The following CHD1L variants were observed in gnomAD, a reference collection of about 807,000 sequenced individuals.
CHD1L encodes the protein chromodomain helicase DNA binding protein 1 like, also known as ATP-dependent chromatin remodeler CHD1L.
Under a neutral mutation model 115.9 loss-of-function variants are expected in CHD1L, and 118 were observed. The observed-to-expected ratio is 1.02, with a 90% CI of 0.88 to 1.19. CHD1L has a LOEUF of 1.19. CHD1L is among the 50% of genes most tolerant of loss of function. The probability of loss-of-function intolerance (pLI) is 0.00; values close to 1 mark genes in which losing one functional copy is unlikely to be tolerated. For missense variants in CHD1L, 1,179 were observed against 1,065.3 expected (o/e 1.11, Z -1.49); for synonymous variants, 411 against 387.1 (o/e 1.06, Z -0.72).
chr1:147,246,939 C>T (rs1336484364), intron 1 of CHD1L, among the ~76,000 whole-genome samples: 1 of 152,044 alleles, frequency 6.6e-6, no homozygotes, highest in Non-Finnish European at 1.5e-5. Flanking sequence ...GAGTTTTTTC[C>T]TAAAAGTTTT....
the CHD1L span, among the ~76,000 whole-genome samples, chr1:147,189,392 G>A: frequency 2.6e-5 from 4 of 152,050 alleles, no homozygotes; most frequent in Non-Finnish European, 5.9e-5. Context: ...GTGAAAGGAA[G>A]GAGGAAAATA....
At chr1:147,204,817 A>G in the CHD1L span, 2 of 1,603,858 alleles carry the variant, frequency 1.2e-6, no homozygotes, top group South Asian at 1.1e-5. Flanking sequence ...GGTTTGGGCA[A>G]GCTCCTTGCA....
At chr1:147,261,730 C>CAG (rs151062356) in intron 6 of CHD1L, among the ~76,000 whole-genome samples, 5,676 of 152,120 alleles carry the variant, frequency 0.037, 258 homozygotes, top group African/African-American at 0.11. Context: ...AACTAAGGCT[C>CAG]AGGGATTAAG....
intron 16 of CHD1L, 39 bp downstream of exon 16, chr1:147,284,538 A>G: frequency 6.8e-7 from 1 of 1,469,282 alleles, no homozygotes; most frequent in African/African-American, 1.8e-5. Context: ...GTTCTTCCAA[A>G]CTCTCATTCT....
At chr1:147,203,458 G>C in the CHD1L span, 8 of 832,230 alleles carry the variant, frequency 9.6e-6, no homozygotes, top group East Asian at 1.9e-4. Flanking sequence ...GTCCGTTACA[G>C]CAGGGACTAC....
chr1:147,260,951 A>G (rs1671719731), intron 6 of CHD1L: 1 of 152,190 alleles, frequency 6.6e-6, no homozygotes. Context: ...AATTTCTGTG[A>G]TGATAATTGA....
At chr1:147,189,514 C>T in the CHD1L span, among the ~76,000 whole-genome samples, 3 of 152,126 alleles carry the variant, frequency 2.0e-5, no homozygotes, top group African/African-American at 4.8e-5. Flanking sequence ...CCTCTTTAGG[C>T]CTGGAATGAT....
intron 9 of CHD1L, 36 bp downstream of exon 9, chr1:147,267,554 G>T: frequency 6.6e-7 from 1 of 1,518,876 alleles, no homozygotes; most frequent in East Asian, 2.3e-5. Context: ...ATTATTCTTT[G>T]GTAATGTTTC....
At chr1:147,290,416 C>A (rs1685052104) in intron 19 of CHD1L, among the ~76,000 whole-genome samples, 1 of 152,164 alleles carries the variant, frequency 6.6e-6, no homozygotes, top group South Asian at 2.1e-4. Flanking sequence ...AGGAAGATTA[C>A]ATACTTTTTT....
intron 11 of CHD1L, among the ~76,000 whole-genome samples, chr1:147,271,525 C>T (rs868979682): frequency 2.6e-5 from 4 of 152,216 alleles, no homozygotes; most frequent in Non-Finnish European, 4.4e-5. Flanking sequence ...AGAAAAGGCT[C>T]TAACATGAGT....
intron 1 of CHD1L, among the ~76,000 whole-genome samples, chr1:147,249,175 C>G (rs1667565766): frequency 6.6e-6 from 1 of 151,968 alleles, no homozygotes; most frequent in Non-Finnish European, 1.5e-5. Context: ...TCCTGAATAC[C>G]ATTTTTCTTG....
At chr1:147,212,675 T>G in the CHD1L span, 1 of 787,740 alleles carries the variant, frequency 1.3e-6, no homozygotes, top group Non-Finnish European at 2.0e-6. Flanking sequence ...TTTCTTGCCT[T>G]TCTCAGTATT....
At chr1:147,287,817 C>A in intron 19 of CHD1L, 84 bp downstream of exon 19, 1 of 1,092,212 alleles carries the variant, frequency 9.2e-7, no homozygotes, top group Non-Finnish European at 1.3e-6. Context: ...GGTTACACAG[C>A]ACTAGATAAG....
intron 11 of CHD1L, 45 bp downstream of exon 11, chr1:147,271,050 T>A: frequency 6.8e-7 from 1 of 1,464,918 alleles, no homozygotes; most frequent in Non-Finnish European, 9.6e-7. Flanking sequence ...CTGTTAGACT[T>A]AACAGTCCAG....
At chr1:147,214,466 C>CA in the CHD1L span, among the ~76,000 whole-genome samples, 138,274 of 148,352 alleles carry the variant, frequency 0.93, 64,460 homozygotes, top group East Asian at 0.98. Context: ...AAACAAAAAA[C>CA]AAAAAAAAAA....
chr1:147,282,346 AG>A (rs781191860), intron 15 of CHD1L, among the ~76,000 whole-genome samples: 193 of 152,306 alleles, frequency 1.3e-3, no homozygotes, highest in Non-Finnish European at 1.2e-3. Context: ...GGGTGAGTCA[AG>A]GGCTCATGGC....
At chr1:147,194,350 G>C in the CHD1L span, among the ~76,000 whole-genome samples, 11 of 151,344 alleles carry the variant, frequency 7.3e-5, no homozygotes, top group South Asian at 2.1e-4. Flanking sequence ...TTTTGTTTTC[G>C]ATTTGCTTGG....
the CHD1L span, among the ~76,000 whole-genome samples, chr1:147,203,067 T>C: frequency 2.0e-5 from 3 of 152,152 alleles, no homozygotes; most frequent in African/African-American, 7.2e-5. Flanking sequence ...TGAATGGCTT[T>C]GGACTGTCTT....
At chr1:147,271,612 G>T (rs587738386) in intron 11 of CHD1L, among the ~76,000 whole-genome samples, 1 of 152,150 alleles carries the variant, frequency 6.6e-6, no homozygotes, top group Non-Finnish European at 1.5e-5. Flanking sequence ...TCTGAGTTCC[G>T]CAGTATACCT....
Sources: allele counts gnomAD v4.1 joint callset (sites outside exome capture counted in the v4.1 genomes callset), GRCh38; gene constraint gnomAD v4.1.1; transcripts MANE v1.5; gene names NCBI Gene and HGNC (gene_info 2026-07-23, HGNC 2026-07-21).